The following PLCG2 variants were observed in gnomAD, a reference collection of about 807,000 sequenced individuals.
PLCG2 encodes 1-phosphatidylinositol 4,5-bisphosphate phosphodiesterase gamma-2.
A neutral mutation model predicts 175.6 loss-of-function variants in PLCG2; 69 were observed. The observed-to-expected ratio is 0.39, with a 90% CI of 0.32 to 0.48. PLCG2 has a LOEUF of 0.48. PLCG2 is among the 20% of genes least tolerant of loss of function. The pLI is 0.91. For synonymous variants in PLCG2, 827 were observed against 624.0 expected, an observed-to-expected ratio of 1.33 and a Z score of -4.85; for missense variants, 1,798 against 1,650.9, an observed-to-expected ratio of 1.09 and a Z score of -1.54.
At chr16:81,763,401 C>T (rs1261137652) in intron 2 of PLCG2, among the ~76,000 whole-genome samples, 4 of 152,236 alleles carry the variant, frequency 2.6e-5, no homozygotes, top group Non-Finnish European at 5.9e-5. Flanking sequence ...CAGCTCTCTG[C>T]AAGGTCTCTT....
Position 81,854,548 on chromosome 16 carries a change from T to C in PLCG2, c.298T>C (p.Tyr100His). Residue 100 changes from tyrosine (Y) to histidine (H), a missense_variant, in exon 3 of 33, where the codon TAT becomes CAT. By Grantham distance (83) the Tyr-to-His change is moderately conservative (BLOSUM62 2). Coordinates refer to ENST00000564138, the MANE Select transcript of PLCG2 (RefSeq NM_002661.5). ...QKEDCCFTIL[Y>H]GTQFVLSTLS... ...AGAAGACTGCTGCTTCACCATCCTA[T>C]ATGGCACTCAGTTCGTCCTCAGCAC... 1.2e-6 allele frequency: 2 copies of C among 1,614,066 alleles called. No individual in the cohort carries two copies. Among genetic ancestry groups the C allele is most frequent in the Non-Finnish European group, 1.7e-6 (2 of 1,179,916 alleles).
At chr16:81,814,885 G>T (rs1488597565) in intron 2 of PLCG2, among the ~76,000 whole-genome samples, 1 of 152,156 alleles carries the variant, frequency 6.6e-6, no homozygotes, top group Non-Finnish European at 1.5e-5. Flanking sequence ...TTGGGATAAA[G>T]ATTAAATGAG....
intron 32 of PLCG2, among the ~76,000 whole-genome samples, chr16:81,957,320 C>A (rs1277989011): frequency 1.3e-5 from 2 of 149,062 alleles, no homozygotes; most frequent in African/African-American, 2.5e-5. Flanking sequence ...AACAAACAAA[C>A]AAAAAATCCT....
intron 5 of PLCG2, among the ~76,000 whole-genome samples, chr16:81,865,537 T>C (rs923501383): frequency 2.0e-5 from 3 of 152,326 alleles, no homozygotes; most frequent in African/African-American, 7.2e-5. Context: ...CCCTGGTTCC[T>C]GGGTTTTCTC....
chr16:81,851,227 G>C (rs559472126), intron 2 of PLCG2, among the ~76,000 whole-genome samples: 1 of 152,326 alleles, frequency 6.6e-6, no homozygotes, highest in East Asian at 1.9e-4. Context: ...AAATAGTACA[G>C]TTTCTGTGAA....
intron 2 of PLCG2, among the ~76,000 whole-genome samples, chr16:81,800,708 A>G (rs12447311): frequency 0.18 from 27,909 of 151,840 alleles, 3,732 homozygotes; most frequent in East Asian, 0.71. Flanking sequence ...CCAACCCTCT[A>G]TGATAGGCAG....
At chr16:81,942,355 A>T (rs904141156) in intron 30 of PLCG2, among the ~76,000 whole-genome samples, 2 of 152,208 alleles carry the variant, frequency 1.3e-5, no homozygotes, top group African/African-American at 4.8e-5. Flanking sequence ...ACCTCAAGGG[A>T]GATTAAAAAT....
At chr16:81,823,244 G>A (rs181155522) in intron 2 of PLCG2, among the ~76,000 whole-genome samples, 210 of 152,298 alleles carry the variant, frequency 1.4e-3, no homozygotes, top group Non-Finnish European at 2.7e-3. Flanking sequence ...GCTTTACCTC[G>A]AGACTGGATC....
At chr16:81,862,755 C>G (rs1335746981) in intron 5 of PLCG2, among the ~76,000 whole-genome samples, 1 of 151,982 alleles carries the variant, frequency 6.6e-6, no homozygotes, top group Non-Finnish European at 1.5e-5. Flanking sequence ...ATTTGTAGTC[C>G]TGCTACTTGA....
At chr16:81,915,336 T>C (rs903867470) in intron 19 of PLCG2, among the ~76,000 whole-genome samples, 1 of 152,186 alleles carries the variant, frequency 6.6e-6, no homozygotes, top group Non-Finnish European at 1.5e-5. Context: ...TCTGGATAGA[T>C]TTCCCCAGTA....
chr16:81,804,413 G>A (rs879842521), intron 2 of PLCG2, among the ~76,000 whole-genome samples: 1 of 152,178 alleles, frequency 6.6e-6, no homozygotes, highest in African/African-American at 2.4e-5. Flanking sequence ...TCTGGCATGG[G>A]GTTGGTGCTG....
rs149487504 is a variant in PLCG2 at position 81,961,863 on chromosome 16, A to C, written c.*3865A>C. The C allele has an allele frequency of 5.0e-6, 1 of 200,534 alleles. No individual in the cohort carries two copies. The highest frequency in any genetic ancestry group is 2.3e-5 in the African/African-American group (1 of 43,624). 12.4% of individuals were successfully genotyped at this position (200,534 alleles called of 1,614,324 possible). On this transcript the variant is annotated 3_prime_UTR_variant, in exon 33 of 33. Transcript: ENST00000564138. ...AGATGTCAATATAGCAATGTGCAAG[A>C]AGATAGAGATTTTCAAAATTCACTT...
intron 1 of PLCG2, among the ~76,000 whole-genome samples, chr16:81,784,179 G>A (rs1358065105): frequency 1.3e-5 from 2 of 152,202 alleles, no homozygotes; most frequent in African/African-American, 4.8e-5. Context: ...TGGGTGTGCA[G>A]TAGAGGGAGG....
At chr16:81,792,480 C>CAAAAAAAAAAAAAAAA (rs532680550) in intron 2 of PLCG2, among the ~76,000 whole-genome samples, 10 of 70,162 alleles carry the variant, frequency 1.4e-4, no homozygotes, top group African/African-American at 4.7e-4. Context: ...GGCTCTGTCT[C>CAAAAAAAAAAAAAAAA]AAAAAAAAAA....
At chr16:81,949,070 C>A (rs771073769) in intron 31 of PLCG2, among the ~76,000 whole-genome samples, 5 of 152,148 alleles carry the variant, frequency 3.3e-5, no homozygotes, top group Non-Finnish European at 7.3e-5. Context: ...GCATTAGTGA[C>A]ACCAAAGATA....
chr16:81,836,263 G>A (rs1455612876), intron 2 of PLCG2, among the ~76,000 whole-genome samples: 2 of 152,174 alleles, frequency 1.3e-5, no homozygotes, highest in African/African-American at 4.8e-5. Flanking sequence ...ACTCTCCCAA[G>A]GTCACACAGT....
intron 2 of PLCG2, among the ~76,000 whole-genome samples, chr16:81,846,110 G>A (rs985166514): frequency 6.6e-4 from 101 of 152,336 alleles, no homozygotes; most frequent in African/African-American, 2.3e-3. Context: ...TGCTAGGAGT[G>A]TTGGGTGTCG....
chr16:81,845,126 G>A (rs1906045994), intron 2 of PLCG2, among the ~76,000 whole-genome samples: 1 of 152,022 alleles, frequency 6.6e-6, no homozygotes, highest in Non-Finnish European at 1.5e-5. Flanking sequence ...TTTTTTTAGA[G>A]ATGGGGTATT....
At chr16:81,940,361 C>T (rs933800573) in intron 30 of PLCG2, among the ~76,000 whole-genome samples, 1 of 152,138 alleles carries the variant, frequency 6.6e-6, no homozygotes, top group African/African-American at 2.4e-5. Context: ...ATGCGGTTTG[C>T]TTCTCCCTAG....
Sources: allele counts gnomAD v4.1 joint callset (sites outside exome capture counted in the v4.1 genomes callset), GRCh38; gene constraint gnomAD v4.1.1; transcripts MANE v1.5; gene names NCBI Gene and HGNC (gene_info 2026-07-23, HGNC 2026-07-21).